Variants in PTTG1 observed in about 807,000 individuals in gnomAD.
The protein encoded by PTTG1 is PTTG1 regulator of sister chromatid separation, securin, also known as securin.
Under a neutral mutation model 20.0 loss-of-function variants are expected in PTTG1, and 8 were observed. That is an observed-to-expected ratio of 0.40 (90% confidence interval 0.23 to 0.72). PTTG1 has a LOEUF of 0.72. PTTG1 is among the 30% of genes least tolerant of loss of function. PTTG1 has a pLI of 0.38. For synonymous variants in PTTG1, 79 were observed against 87.2 expected, an observed-to-expected ratio of 0.91 and a Z score of 0.52; for missense variants, 197 against 236.0, an observed-to-expected ratio of 0.83 and a Z score of 1.08.
intron 4 of PTTG1, 45 bp from the exon 5 acceptor site, chr5:160,427,670 A>T (rs369192121): frequency 6.3e-7 from 1 of 1,595,300 alleles, no homozygotes; most frequent in Admixed American, 1.7e-5. Flanking sequence ...TACAGCCCAC[A>T]CTAAGAACTG....
chr5:160,424,444 C>T, intron 4 of PTTG1, 114 bp downstream of exon 4: 1 of 757,964 alleles, frequency 1.3e-6, no homozygotes, highest in Non-Finnish European at 2.2e-6. Context: ...ATGAGACTGT[C>T]TGAATCTGGG....
intron 4 of PTTG1, 75 bp downstream of exon 4, chr5:160,424,405 A>G: frequency 1.8e-6 from 2 of 1,087,284 alleles, no homozygotes; most frequent in Non-Finnish European, 2.7e-6. Flanking sequence ...GTAACTTGTT[A>G]TGAATATAAT....
At position 160,428,734 on chromosome 5, in the gene PTTG1, A is replaced by G. The variant is rs1249650200; in HGVS notation, c.*53A>G. 8.0e-6 allele frequency: 12 copies of G among 1,504,602 alleles called. No homozygotes were observed. The highest frequency in any genetic ancestry group is 1.1e-5 in the Non-Finnish European group (12 of 1,083,618). 93.2% of individuals were successfully genotyped at this position (1,504,602 alleles called of 1,614,324 possible). A position where few individuals can be genotyped will look rare whatever the true frequency, so the allele number is the denominator to read the frequency against. On this transcript the variant is annotated 3_prime_UTR_variant, in exon 6 of 6. Coordinates refer to ENST00000352433, the MANE Select transcript of PTTG1 (RefSeq NM_004219.4). ...TATTTGTATTAATAAAGCATTCTTT[A>G]ACAGATTCTTCCTAGTATTGTGGTT...
chr5:160,422,886 C>T lies in PTTG1; in HGVS notation c.269C>T (p.Ala90Val), dbSNP rs777221386. ...AAACAAAAACAGCCAAGCTTTTCTGCCAAAAAGGTAAGTGTTGGCTATAAA... is the reference window on the plus strand; with the variant it reads ...AAACAAAAACAGCCAAGCTTTTCTGTCAAAAAGGTAAGTGTTGGCTATAAA... Reference protein sequence around the residue: ...PLKQKQPSFSAKKMTEKTVKA... With the variant: ...PLKQKQPSFSVKKMTEKTVKA... The change falls in exon 3 of 6, where the codon GCC (alanine) becomes GTC (valine). Residue 90 changes from alanine to valine, a missense_variant. Coordinates refer to ENST00000352433, the MANE Select transcript of PTTG1 (RefSeq NM_004219.4). 1 of 1,613,802 alleles carries T rather than the reference C, an allele frequency of 6.2e-7. No individual in the cohort carries two copies. Among genetic ancestry groups the T allele is most frequent in the South Asian group, 1.1e-5 (1 of 91,044 alleles).
At chr5:160,424,128 CT>C in intron 3 of PTTG1, 108 bp from the exon 4 acceptor site, 2 of 730,256 alleles carry the variant, frequency 2.7e-6, no homozygotes, top group Non-Finnish European at 4.6e-6. Context: ...ATTATGAAAA[CT>C]AAGGATTATG....
chr5:160,423,299 C>T (rs1581084660), intron 3 of PTTG1, among the ~76,000 whole-genome samples: 1 of 152,218 alleles, frequency 6.6e-6, no homozygotes, highest in East Asian at 1.9e-4. Flanking sequence ...CAGGTGCTGC[C>T]ATTCTCTTAG....
intron 5 of PTTG1, 115 bp downstream of exon 5, chr5:160,427,988 A>G (rs1207134471): frequency 2.3e-6 from 3 of 1,287,020 alleles, no homozygotes; most frequent in Non-Finnish European, 1.1e-6. Flanking sequence ...CTGTCCTTCA[A>G]ATGACAAGGA....
At chr5:160,426,116 C>T (rs772135359) in intron 4 of PTTG1, among the ~76,000 whole-genome samples, 20 of 151,962 alleles carry the variant, frequency 1.3e-4, no homozygotes, top group Non-Finnish European at 2.9e-5. Context: ...TATTGAAGAC[C>T]ACTTTTGCTT....
At chr5:160,422,062 C>A (rs1045746165) in intron 1 of PTTG1, 171 bp downstream of exon 1, 3 of 377,136 alleles carry the variant, frequency 8.0e-6, no homozygotes. Flanking sequence ...ACTGGACCAA[C>A]GGCAACTGTC....
chr5:160,427,552 G>A (rs1765829568), intron 4 of PTTG1, among the ~76,000 whole-genome samples, 163 bp from the exon 5 acceptor site: 1 of 152,134 alleles, frequency 6.6e-6, no homozygotes, highest in Non-Finnish European at 1.5e-5. Flanking sequence ...CCGCTGCCTT[G>A]GTACCATCAT....
Position 160,424,322 on chromosome 5 carries a change from A to C in PTTG1, c.362A>C (p.Asn121Thr). ...YPEIEKFFPF[N>T]PLDFESFDLP... ...GAAATAGAAAAATTCTTTCCCTTCA[A>C]TCCTCTAGGTAGTATCTTTTGCAAT... The change falls in exon 4 of 6, where the codon AAT (asparagine) becomes ACT (threonine). Residue 121 changes from asparagine to threonine, a missense_variant. Physicochemically the swap from Asn to Thr is moderately conservative, Grantham distance 65 (BLOSUM62 0). Coordinates refer to ENST00000352433, the MANE Select transcript of PTTG1 (RefSeq NM_004219.4). The C allele has an allele frequency of 1.3e-6, 2 of 1,597,604 alleles. No individual in the cohort carries two copies. The highest frequency in any genetic ancestry group is 1.7e-6 in the Non-Finnish European group (2 of 1,165,642).
chr5:160,424,278 C>T lies in PTTG1; in HGVS notation c.318C>T (p.Ala106=). The change falls in exon 4 of 6, where the codon GCC becomes GCT. Residue 106 remains alanine, a synonymous_variant. Transcript: ENST00000352433. ...TTAAAGCAAAAAGCTCTGTTCCTGC[C>T]TCAGATGATGCCTATCCAGAAATAG... ...KTVKAKSSVP[A]SDDAYPEIEK... 1 of 1,612,910 alleles carries T rather than the reference C, an allele frequency of 6.2e-7. No individual in the cohort carries two copies. Among genetic ancestry groups the T allele is most frequent in the Non-Finnish European group, 8.5e-7 (1 of 1,179,058 alleles).
chr5:160,422,521 T>C, intron 2 of PTTG1, 118 bp downstream of exon 2: 1 of 928,570 alleles, frequency 1.1e-6, no homozygotes, highest in Non-Finnish European at 1.7e-6. Flanking sequence ...TCCTTTTTCA[T>C]TTTTAATATC....
rs752402652 is a variant in PTTG1, at chr5:160,427,888, GC to G, written c.529+18del. The G allele has an allele frequency of 5.0e-6, 8 of 1,614,088 alleles. No homozygotes were observed. The South Asian group carries it at 8.8e-5, about 18-fold the overall frequency. On this transcript the variant is annotated intron_variant, in intron 5 of 5. Coordinates refer to ENST00000352433, the MANE Select transcript of PTTG1 (RefSeq NM_004219.4). ...ATGGGAATCCAGTAAGTGAGCAAGTGCCCTTCTGGAAGGGCTGCAAACAATT... is the reference window on the plus strand; with the variant it reads ...ATGGGAATCCAGTAAGTGAGCAAGTGCCTTCTGGAAGGGCTGCAAACAATT...
intron 4 of PTTG1, among the ~76,000 whole-genome samples, chr5:160,426,912 C>T (rs1244587517): frequency 1.3e-5 from 2 of 151,992 alleles, no homozygotes; most frequent in East Asian, 3.9e-4. Context: ...GTGTGGTGGG[C>T]GCACCTGTAA....
At position 160,422,892 on chromosome 5, in the gene PTTG1, AGG is replaced by A; in HGVS notation, c.276_276+1del. ...AAACAGCCAAGCTTTTCTGCCAAAAAGGTAAGTGTTGGCTATAAAGACACTGT... is the reference window on the plus strand; with the variant it reads ...AAACAGCCAAGCTTTTCTGCCAAAAATAAGTGTTGGCTATAAAGACACTGT... On this transcript the variant is annotated splice_donor_variant and coding_sequence_variant, in exon 3 of 6. Coordinates refer to ENST00000352433, the MANE Select transcript of PTTG1 (RefSeq NM_004219.4). LOFTEE classifies it high-confidence loss of function. 1 of 1,614,054 alleles carries A rather than the reference AGG, an allele frequency of 6.2e-7. No individual in the cohort carries two copies. The highest frequency in any genetic ancestry group is 1.1e-5 in the South Asian group (1 of 91,076).
chr5:160,426,871 C>T (rs933533505), intron 4 of PTTG1, among the ~76,000 whole-genome samples: 4 of 152,070 alleles, frequency 2.6e-5, no homozygotes, highest in Non-Finnish European at 4.4e-5. Context: ...GGTGAAACCC[C>T]GTCTGTACTA....
At chr5:160,424,413 A>G in intron 4 of PTTG1, 83 bp downstream of exon 4, 1 of 976,054 alleles carries the variant, frequency 1.0e-6, no homozygotes, top group Non-Finnish European at 1.6e-6. Flanking sequence ...TTATGAATAT[A>G]ATATATGACC....
intron 2 of PTTG1, 94 bp from the exon 3 acceptor site, chr5:160,422,615 T>G: frequency 6.9e-7 from 1 of 1,440,576 alleles, no homozygotes; most frequent in Non-Finnish European, 9.7e-7. Context: ...GGGGGGTGGG[T>G]TTGGGGGTGA....
Sources: allele counts gnomAD v4.1 joint callset (sites outside exome capture counted in the v4.1 genomes callset), GRCh38; gene constraint gnomAD v4.1.1; transcripts MANE v1.5; gene names NCBI Gene and HGNC (gene_info 2026-07-23, HGNC 2026-07-21).